PIK3CD: variants seen among roughly 807,000 people sequenced by gnomAD.
PIK3CD encodes phosphatidylinositol 4,5-bisphosphate 3-kinase catalytic subunit delta isoform.
A neutral mutation model predicts 122.9 loss-of-function variants in PIK3CD; 20 were observed. The ratio of observed to expected loss-of-function variants is 0.16; its 90% CI spans 0.11 to 0.24. The LOEUF (loss-of-function observed/expected upper bound fraction) is 0.24, where lower values mean the gene tolerates loss of function less well. Among genes scored for constraint, PIK3CD ranks in the 10% least tolerant of loss-of-function variants. The probability of loss-of-function intolerance (pLI) is 1.00; values close to 1 mark genes in which losing one functional copy is unlikely to be tolerated. For synonymous variants in PIK3CD, 596 were observed against 593.4 expected, an observed-to-expected ratio of 1.00 and a Z score of -0.06; for missense variants, 787 against 1,406.3, an observed-to-expected ratio of 0.56 and a Z score of 7.04.
chr1:9,721,135 C>T lies in PIK3CD; in HGVS notation c.1698C>T (p.Tyr566=). 6.2e-7 allele frequency: 1 copy of T among 1,611,790 alleles called. No individual in the cohort carries two copies. Among genetic ancestry groups the T allele is most frequent in the Middle Eastern group, 1.6e-4 (1 of 6,062 alleles). ...ACCTCGGCTCCCCCCAGATGCTCTA[C>T]CTGCTGTGCTCCTGGCCGGAGCTGC... ...NKHEDVAQML[Y]LLCSWPELPV... Residue 566 remains tyrosine, a synonymous_variant, in exon 14 of 24, where the codon TAC becomes TAT. Coordinates refer to ENST00000377346, the MANE Select transcript of PIK3CD (RefSeq NM_005026.5).
At chr1:9,633,498 G>A in the PIK3CD span, among the ~76,000 whole-genome samples, 9 of 152,046 alleles carry the variant, frequency 5.9e-5, no homozygotes, top group East Asian at 1.9e-4. Context: ...TAGTAGAGAC[G>A]GGGTTTCACT....
chr1:9,721,097 G>GCCCCCAAGCCTGACCTCGGCTC (rs1557669756), intron 13 of PIK3CD, 30 bp from the exon 14 acceptor site: 1 of 1,584,816 alleles, frequency 6.3e-7, no homozygotes, highest in Non-Finnish European at 8.6e-7. Context: ...GACCCCGGCC[G>GCCCCCAAGCCTGACCTCGGCTC]CCCCCAAGCC....
rs112862628 is a variant in PIK3CD, at chr1:9,720,822, G to A, written c.1602G>A (p.Leu534=). Residue 534 remains leucine (L), a synonymous_variant, in exon 13 of 24, where the codon CTG becomes CTA. Transcript: ENST00000377346. This position sits in a 1 kb window ranked among gnomAD's most constrained non-coding sequence, Gnocchi z 9.0. ...ACGAGAAGGACCTGGTGTGGAAGCT[G>A]CGGCATGAAGTCCAGGAGCACTTCC... ...YEHEKDLVWK[L]RHEVQEHFPE... 8.1e-6 allele frequency: 13 copies of A among 1,613,082 alleles called. No individual in the cohort carries two copies. In the African/African-American group the frequency reaches 1.1e-4, roughly 13 times the overall value.
At chr1:9,633,096 C>T in the PIK3CD span, among the ~76,000 whole-genome samples, 8 of 151,942 alleles carry the variant, frequency 5.3e-5, no homozygotes, top group African/African-American at 1.5e-4. Flanking sequence ...CTCCTGACCT[C>T]GTGATCCGCC....
Position 9,717,550 on chromosome 1 carries a change from C to T in PIK3CD, c.944C>T (p.Ser315Phe). ...PIPAKKPSSV[S>F]LWSLEQPFRI... ...CCCGGCCCCCAGCCTTCCTCTGTGT[C>T]CCTGTGGTCCCTGGAGCAGCCGTTC... Residue 315 changes from serine to phenylalanine, a missense_variant, in exon 8 of 24, where the codon TCC (serine) becomes TTC (phenylalanine). Ser to Phe is a radical substitution (Grantham distance 155). Around this residue, in one of 6 missense-constraint regions of PIK3CD, gnomAD observed 592 missense variants for 920.6 expected, o/e 0.64. Coordinates refer to ENST00000377346, the MANE Select transcript of PIK3CD (RefSeq NM_005026.5). The surrounding 1 kb of genome is among the most constrained non-coding windows in gnomAD (Gnocchi z 5.4). 2 of 1,614,058 alleles carry T rather than the reference C, an allele frequency of 1.2e-6. No homozygotes were observed. Among genetic ancestry groups the T allele is most frequent in the South Asian group, 1.1e-5 (1 of 91,092 alleles).
upstream of PIK3CD, among the ~76,000 whole-genome samples, chr1:9,646,958 A>AT (rs1468598321): frequency 6.6e-6 from 1 of 151,714 alleles, no homozygotes; most frequent in East Asian, 1.9e-4. Context: ...AAAAAAAAAA[A>AT]AAATTAGCTG....
the PIK3CD span, among the ~76,000 whole-genome samples, chr1:9,629,117 T>C: frequency 1.3e-5 from 2 of 152,084 alleles, no homozygotes; most frequent in Non-Finnish European, 2.9e-5. Flanking sequence ...CTCGGGCCAC[T>C]GACGCCTCTA....
In PIK3CD at chr1:9,727,307, A is replaced by G. The variant is rs1557681128; in HGVS notation, c.*261A>G. On this transcript the variant is annotated 3_prime_UTR_variant, in exon 24 of 24. Coordinates refer to ENST00000377346, the MANE Select transcript of PIK3CD (RefSeq NM_005026.5). Reference sequence around the variant, plus strand: ...ACCTGGCTCTCGGCTGAGGATTGTCACCCCAAGTCTTCCAGCTGGTGGATC... The same window carrying G: ...ACCTGGCTCTCGGCTGAGGATTGTCGCCCCAAGTCTTCCAGCTGGTGGATC... The G allele has an allele frequency of 3.8e-6, 2 of 532,040 alleles. No individual in the cohort carries two copies. Among genetic ancestry groups the G allele is most frequent in the South Asian group, 4.1e-5 (2 of 49,134 alleles). The allele number at this position is 532,040 out of a possible 1,614,324, so 33.0% of individuals were successfully genotyped here.
At position 9,718,582 on chromosome 1, in the gene PIK3CD, G is replaced by A. The variant is rs2100904306; in HGVS notation, c.1021-112G>A. On this transcript the variant is annotated intron_variant, in intron 8 of 23. Transcript: ENST00000377346. This position sits in a 1 kb window ranked among gnomAD's most constrained non-coding sequence, Gnocchi z 7.2. ...TGCACCACCTTCCTTCGTGTGGGAAGTAGAGTTCAGACCCACCTGAGGACA... is the reference window on the plus strand; with the variant it reads ...TGCACCACCTTCCTTCGTGTGGGAAATAGAGTTCAGACCCACCTGAGGACA... 1 of 991,010 alleles carries A rather than the reference G, an allele frequency of 1.0e-6. No homozygotes were observed. Among genetic ancestry groups the A allele is most frequent in the South Asian group, 1.3e-5 (1 of 74,384 alleles). The allele number at this position is 991,010 out of a possible 1,614,324, so 61.4% of individuals were successfully genotyped here.
chr1:9,632,452 G>A, the PIK3CD span, among the ~76,000 whole-genome samples: 3 of 152,102 alleles, frequency 2.0e-5, no homozygotes, highest in African/African-American at 7.2e-5. Context: ...AGCCTCCCAA[G>A]TAACTGGGAC....
chr1:9,666,902 G>C (rs1247208258), intron 1 of PIK3CD, among the ~76,000 whole-genome samples: 1 of 149,460 alleles, frequency 6.7e-6, no homozygotes, highest in Non-Finnish European at 1.5e-5. Flanking sequence ...GTCTCGCTCT[G>C]TTGCCCTGGC....
rs964596606 is a variant in PIK3CD at position 9,652,120 on chromosome 1, G to C, written c.-138+318G>C. Among the ~76,000 whole-genome samples the C allele has an allele frequency of 6.6e-6, 1 of 152,062 alleles. No individual in the cohort carries two copies. Among genetic ancestry groups the C allele is most frequent in the Non-Finnish European group, 1.5e-5 (1 of 67,982 alleles). Reference sequence around the variant, plus strand: ...CGCCTTGCCCGCCTGGCCCGGCAGCGGGGTTTCAGCTGCGCTCACAGCGGC... The same window carrying C: ...CGCCTTGCCCGCCTGGCCCGGCAGCCGGGTTTCAGCTGCGCTCACAGCGGC... On this transcript the variant is annotated intron_variant, in intron 1 of 23. Transcript: ENST00000377346. This position sits in a 1 kb window ranked among gnomAD's most constrained non-coding sequence, Gnocchi z 6.2.
At position 9,723,923 on chromosome 1, in the gene PIK3CD, G is replaced by A. The variant is rs533494140; in HGVS notation, c.2595-46G>A. 219 of 1,588,532 alleles carry A rather than the reference G, an allele frequency of 1.4e-4. 3 individuals are homozygous for A. The South Asian group carries it at 1.6e-3, about 11-fold the overall frequency. On this transcript the variant is annotated intron_variant, in intron 20 of 23. Transcript: ENST00000377346. This position sits in a 1 kb window ranked among gnomAD's most constrained non-coding sequence, Gnocchi z 4.9. ...GTAATAACCCACCTCTTGATAGGCGGAGCTGCAAAATGGTATGGCCATGCT... is the reference window on the plus strand; with the variant it reads ...GTAATAACCCACCTCTTGATAGGCGAAGCTGCAAAATGGTATGGCCATGCT...
intron 1 of PIK3CD, among the ~76,000 whole-genome samples, chr1:9,680,248 T>C (rs1645698659): frequency 6.8e-6 from 1 of 146,302 alleles, no homozygotes; most frequent in African/African-American, 2.8e-5. Context: ...AGTGCTAGGA[T>C]TACAGGTGTC....
chr1:9,677,237 A>AGT (rs369835575), intron 1 of PIK3CD, among the ~76,000 whole-genome samples: 4 of 151,830 alleles, frequency 2.6e-5, no homozygotes, highest in African/African-American at 9.7e-5. Context: ...GACTGCCATG[A>AGT]GTGTGTGTGT....
chr1:9,716,147 C>G, intron 5 of PIK3CD, 69 bp downstream of exon 5: 1 of 1,285,818 alleles, frequency 7.8e-7, no homozygotes, highest in Non-Finnish European at 1.1e-6. Context: ...CTGTGAAACT[C>G]CTCAGTCATC....
At chr1:9,638,313 C>T in the PIK3CD span, among the ~76,000 whole-genome samples, 1 of 151,958 alleles carries the variant, frequency 6.6e-6, no homozygotes, top group Non-Finnish European at 1.5e-5. Context: ...AGGGCAGTTC[C>T]AAAATTACCT....
intron 1 of PIK3CD, chr1:9,672,391 A>G (rs943747713): frequency 1.3e-5 from 2 of 152,104 alleles, no homozygotes; most frequent in Admixed American, 6.6e-5. Context: ...AGGATGATGA[A>G]CCATTAGACA....
the PIK3CD span, among the ~76,000 whole-genome samples, chr1:9,640,443 G>C: frequency 6.6e-6 from 1 of 151,704 alleles, no homozygotes; most frequent in Non-Finnish European, 1.5e-5. Flanking sequence ...AGCTAGGCGT[G>C]GTGGTGGGCG....
Sources: allele counts gnomAD v4.1 joint callset (sites outside exome capture counted in the v4.1 genomes callset), GRCh38; gene constraint gnomAD v4.1.1; regional missense constraint gnomAD v4.1.1; non-coding constraint Gnocchi (gnomAD v3.1); transcripts MANE v1.5; gene names NCBI Gene and HGNC (gene_info 2026-07-23, HGNC 2026-07-21).